The following EDEM3 variants were observed in gnomAD, a reference collection of about 807,000 sequenced individuals.
EDEM3 encodes ER degradation-enhancing alpha-mannosidase-like protein 3.
Under a neutral mutation model 110.2 loss-of-function variants are expected in EDEM3, and 60 were observed. That is an observed-to-expected ratio of 0.54 (90% CI 0.44 to 0.67). The LOEUF is 0.67. Among genes scored for constraint, EDEM3 ranks in the 30% least tolerant of loss-of-function variants. The pLI, the probability that EDEM3 is intolerant of heterozygous loss-of-function variation, is 0.00. For missense variants in EDEM3, 996 were observed against 1,121.0 expected, an observed-to-expected ratio of 0.89 and a Z score of 1.59; for synonymous variants, 352 against 382.9, an observed-to-expected ratio of 0.92 and a Z score of 0.94.
At chr1:184,751,032 A>G (rs139266111) in intron 1 of EDEM3, among the ~76,000 whole-genome samples, 2,124 of 145,440 alleles carry the variant, frequency 0.015, 41 homozygotes, top group African/African-American at 0.049. Flanking sequence ...AAAATCAAGT[A>G]CACTCAAACT....
At chr1:184,699,059 C>T (rs1649475420) in intron 19 of EDEM3, among the ~76,000 whole-genome samples, 1 of 151,732 alleles carries the variant, frequency 6.6e-6, no homozygotes, top group African/African-American at 2.4e-5. Context: ...AGGAATGGTA[C>T]ATCAGAAACA....
At position 184,716,568 on chromosome 1, in the gene EDEM3, A is replaced by G. The variant is rs563278795; in HGVS notation, c.1370+320T>C. ...ATTTCTAATGTCTTATGTAATATAA[A>G]AGGAAACTATTATCAAAGAAGAAAA... On this transcript the variant is annotated intron_variant, in intron 13 of 19. Transcript: ENST00000318130. 5.9e-5 allele frequency among the ~76,000 whole-genome samples: 9 copies of G among 152,286 alleles called. No individual in the cohort carries two copies. In the South Asian group the frequency reaches 1.7e-3, roughly 28 times the overall value.
rs774264192 is a variant in EDEM3 at position 184,716,969 on chromosome 1, A to G, written c.1289T>C (p.Ile430Thr). The change falls in exon 13 of 20, where the codon ATT (isoleucine) becomes ACT (threonine). Residue 430 changes from isoleucine to threonine, a missense_variant. Physicochemically the swap from Ile to Thr is moderately conservative, Grantham distance 89. Coordinates refer to ENST00000318130, the MANE Select transcript of EDEM3 (RefSeq NM_025191.4). ...PYYLEVGKTL[I>T]ENLNKYARVP... The stretch of plus-strand genomic sequence containing the variant: ...TCTAGCATATTTATTTAAATTTTCA[A>G]TAAGTGTCTTCCCTACTTCAAGGTA... 1.6e-5 allele frequency: 25 copies of G among 1,612,876 alleles called. No homozygotes were observed. The highest frequency in any genetic ancestry group is 1.3e-4 in the Admixed American group (8 of 59,992).
At chr1:184,732,315 G>A (rs1651573951) in intron 6 of EDEM3, among the ~76,000 whole-genome samples, 1 of 152,158 alleles carries the variant, frequency 6.6e-6, no homozygotes, top group Non-Finnish European at 1.5e-5. Flanking sequence ...GGCTGGGAAG[G>A]GTAGGTGGTG....
At position 184,712,474 on chromosome 1, in the gene EDEM3, A is replaced by G. The variant is rs764955648; in HGVS notation, c.1495T>C (p.Trp499Arg). ...ATGCTTTGATTTGTAGTAGAGAGCC[A>G]AAGAGGTAACAGATGAGCTTCTGTT... ...FTTEAHLLPL[W>R]LSTTNQSISK... Residue 499 changes from tryptophan to arginine, a missense_variant, in exon 14 of 20, where the codon TGG becomes CGG. By Grantham distance (101) the Trp-to-Arg change is moderately radical. This residue lies in a region of EDEM3 where 138 missense variants were observed against 124.3 expected (regional missense o/e 1.11). Transcript: ENST00000318130. 6.2e-7 allele frequency: 1 copy of G among 1,604,208 alleles called. No individual in the cohort carries two copies. Among genetic ancestry groups the G allele is most frequent in the Non-Finnish European group, 8.5e-7 (1 of 1,177,172 alleles).
rs757628774 is a variant in EDEM3 at position 184,754,635 on chromosome 1, G to T, written c.12C>A (p.Ala4=). Residue 4 remains alanine (A), a synonymous_variant, in exon 1 of 20, where the codon GCC becomes GCA. Coordinates refer to ENST00000318130, the MANE Select transcript of EDEM3 (RefSeq NM_025191.4). MSE[A]GGRGCGSPVP... ...CCGGGGACCCACAGCCCCGGCCGCC[G>T]GCTTCGCTCATGGCCCCGCGGTTCC... 6.3e-7 allele frequency: 1 copy of T among 1,582,862 alleles called. No homozygotes were observed. Among genetic ancestry groups the T allele is most frequent in the Admixed American group, 1.8e-5 (1 of 55,042 alleles).
At chr1:184,719,120 GTT>G (rs1219582677) in intron 11 of EDEM3, 40 bp downstream of exon 11, 3 of 1,166,870 alleles carry the variant, frequency 2.6e-6, no homozygotes, top group East Asian at 2.4e-5. Flanking sequence ...GTGTGTGTGT[GTT>G]TGTGTGTGTG....
At position 184,690,539 on chromosome 1, in the gene EDEM3, A is replaced by G. The variant is rs531439913; in HGVS notation, c.*3524T>C. On this transcript the variant is annotated 3_prime_UTR_variant, in exon 20 of 20. Transcript: ENST00000318130. ...CATATTTTATTAAATCTTTACAATC[A>G]GTAATTATAATCAAATACATAATTA... 1 of 152,772 alleles carries G rather than the reference A, an allele frequency of 6.5e-6. No individual in the cohort carries two copies. Among genetic ancestry groups the G allele is most frequent in the East Asian group, 1.9e-4 (1 of 5,188 alleles). The allele number at this position is 152,772 out of a possible 1,614,324, so 9.5% of individuals were successfully genotyped here.
chr1:184,696,197 T>C (rs1344852225), intron 19 of EDEM3, among the ~76,000 whole-genome samples: 1 of 151,958 alleles, frequency 6.6e-6, no homozygotes, highest in Non-Finnish European at 1.5e-5. Flanking sequence ...ACTTTTCTTC[T>C]GTTCTTCTGA....
In EDEM3 at chr1:184,726,428, G is replaced by A; in HGVS notation, c.613-39C>T. 6 of 1,586,794 alleles carry A rather than the reference G, an allele frequency of 3.8e-6. No homozygotes were observed. In the African/African-American group the frequency reaches 4.1e-5, roughly 11 times the overall value. On this transcript the variant is annotated intron_variant, in intron 6 of 19. Transcript: ENST00000318130. ...GAAAATTGTCATTAGCAGTTATCAA[G>A]ACAATGACCTTCTGATAAGAAACTA...
Position 184,690,344 on chromosome 1 carries a change from C to T in EDEM3, c.*3719G>A, listed in dbSNP as rs1299507571. 6.6e-6 allele frequency: 1 copy of T among 152,284 alleles called. No homozygotes were observed. The highest frequency in any genetic ancestry group is 6.6e-5 in the Admixed American group (1 of 15,254). The allele number at this position is 152,284 out of a possible 1,614,324, so 9.4% of individuals were successfully genotyped here. On this transcript the variant is annotated 3_prime_UTR_variant, in exon 20 of 20. Coordinates refer to ENST00000318130, the MANE Select transcript of EDEM3 (RefSeq NM_025191.4). The stretch of plus-strand genomic sequence containing the variant: ...CTTAGAACAAAATCCTTACTTTAGC[C>T]CACAAGCTTGGGTTTCTACAGCCTA...
At chr1:184,696,927 A>G (rs906059044) in intron 19 of EDEM3, among the ~76,000 whole-genome samples, 2 of 151,956 alleles carry the variant, frequency 1.3e-5, no homozygotes, top group Non-Finnish European at 2.9e-5. Flanking sequence ...AGCTGATGTA[A>G]TCGGACAAGA....
At chr1:184,754,253 G>A (rs1017476055) in intron 1 of EDEM3, among the ~76,000 whole-genome samples, 1 of 152,182 alleles carries the variant, frequency 6.6e-6, no homozygotes, top group African/African-American at 2.4e-5. Context: ...TGGCTTCAAG[G>A]AGCCTGCACA....
At chr1:184,743,220 TACAG>T (rs1652239370) in intron 2 of EDEM3, among the ~76,000 whole-genome samples, 1 of 152,114 alleles carries the variant, frequency 6.6e-6, no homozygotes, top group Admixed American at 6.5e-5. Flanking sequence ...CAAAGCAAAC[TACAG>T]ACAGTTTGCA....
At chr1:184,726,469 T>A in intron 6 of EDEM3, 80 bp from the exon 7 acceptor site, 2 of 1,440,476 alleles carry the variant, frequency 1.4e-6, no homozygotes, top group Non-Finnish European at 1.9e-6. Flanking sequence ...CAATCAAGTC[T>A]TTGTATAAAA....
intron 19 of EDEM3, chr1:184,701,576 G>A: frequency 1.6e-6 from 2 of 1,260,358 alleles, no homozygotes; most frequent in South Asian, 1.3e-5. Flanking sequence ...AAAATAGGGG[G>A]AAAAAAAGCA....
At chr1:184,750,518 C>CTTTTTTTTT (rs376949251) in intron 1 of EDEM3, among the ~76,000 whole-genome samples, 4 of 146,382 alleles carry the variant, frequency 2.7e-5, no homozygotes, top group Non-Finnish European at 4.5e-5. Flanking sequence ...TTAACTTTTT[C>CTTTTTTTTT]TTTTTTTTTT....
intron 11 of EDEM3, among the ~76,000 whole-genome samples, 168 bp downstream of exon 11, chr1:184,718,994 G>A (rs1211040303): frequency 6.6e-6 from 1 of 151,552 alleles, no homozygotes; most frequent in African/African-American, 2.4e-5. Flanking sequence ...ATATAATACT[G>A]TACAAACCAA....
chr1:184,726,308 A>G lies in EDEM3; in HGVS notation c.694T>C (p.Leu232=). 6.2e-7 allele frequency: 1 copy of G among 1,613,916 alleles called. No homozygotes were observed. The highest frequency in any genetic ancestry group is 8.5e-7 in the Non-Finnish European group (1 of 1,179,884). The change falls in exon 7 of 20, where the codon TTG becomes CTG. Residue 232 remains leucine (L), a synonymous_variant. Coordinates refer to ENST00000318130, the MANE Select transcript of EDEM3 (RefSeq NM_025191.4). ...TDTCTACAGT[L]ILEFAALSRF... ...CTTAAAGCAGCAAATTCAAGGATCA[A>G]GGTACCTGCACAAGCTGTACAGGTA...
Sources: allele counts gnomAD v4.1 joint callset (sites outside exome capture counted in the v4.1 genomes callset), GRCh38; gene constraint gnomAD v4.1.1; regional missense constraint gnomAD v4.1.1; transcripts MANE v1.5; gene names NCBI Gene and HGNC (gene_info 2026-07-23, HGNC 2026-07-21).